HSPA4: variants seen among roughly 807,000 people sequenced by gnomAD.
HSPA4 encodes the protein heat shock protein family A (Hsp70) member 4.
In HSPA4, 25 loss-of-function variants were observed where a neutral mutation model predicts 106.2. The ratio of observed to expected loss-of-function variants is 0.24; its 90% CI spans 0.17 to 0.33. The LOEUF (loss-of-function observed/expected upper bound fraction) is 0.33. Among genes scored for constraint, HSPA4 ranks in the 10% least tolerant of loss-of-function variants. HSPA4 has a pLI of 1.00. For missense variants in HSPA4, 841 were observed against 996.0 expected (o/e 0.84, Z 2.10); for synonymous variants, 332 against 333.6 (o/e 1.00, Z 0.05).
In HSPA4 at chr5:133,085,111, T is replaced by C. The variant is rs971682918; in HGVS notation, c.909-1671T>C. ...CTGCACCCAACTAGAAGTCACCCTT[T>C]TAACGTGTATAATTCAGCGATTTAA... On this transcript the variant is annotated intron_variant, in intron 7 of 18. Transcript: ENST00000304858. 4.6e-5 allele frequency among the ~76,000 whole-genome samples: 7 copies of C among 152,168 alleles called. No individual in the cohort carries two copies. In the South Asian group the frequency reaches 1.0e-3, roughly 22 times the overall value.
At chr5:133,068,449 A>G (rs1027123364) in intron 3 of HSPA4, among the ~76,000 whole-genome samples, 2 of 151,892 alleles carry the variant, frequency 1.3e-5, no homozygotes, top group Admixed American at 6.6e-5. Flanking sequence ...TGGGGGCGTG[A>G]TTGGCTTTCC....
At chr5:133,102,571 A>C (rs1166562151) in intron 17 of HSPA4, among the ~76,000 whole-genome samples, 2 of 152,208 alleles carry the variant, frequency 1.3e-5, no homozygotes, top group Non-Finnish European at 2.9e-5. Context: ...TTCCTTAAGC[A>C]ACATTCAGGG....
At chr5:133,078,240 G>A (rs1365457383) in intron 7 of HSPA4, among the ~76,000 whole-genome samples, 4 of 152,080 alleles carry the variant, frequency 2.6e-5, no homozygotes, top group Non-Finnish European at 5.9e-5. Context: ...GCTGAGGCAG[G>A]GGAATGGTGT....
At chr5:133,092,909 C>CAGGA (rs1471721491) in intron 13 of HSPA4, 120 bp downstream of exon 13, 2 of 606,956 alleles carry the variant, frequency 3.3e-6, no homozygotes, top group African/African-American at 3.9e-5. Context: ...CATCCTCCAC[C>CAGGA]TCCTGGGTTC....
At chr5:133,081,028 T>C (rs1765508200) in intron 7 of HSPA4, among the ~76,000 whole-genome samples, 1 of 152,160 alleles carries the variant, frequency 6.6e-6, no homozygotes, top group African/African-American at 2.4e-5. Flanking sequence ...TACCAATATG[T>C]TTTCTGTCTC....
Position 133,089,411 on chromosome 5 carries a change from A to G in HSPA4, c.1245-151A>G, listed in dbSNP as rs1765617139. On this transcript the variant is annotated intron_variant, in intron 10 of 18. Coordinates refer to ENST00000304858, the MANE Select transcript of HSPA4 (RefSeq NM_002154.4). ...TTCCTTTTTTACTGACTTTATATAT[A>G]AAGATTCTTGGGAACTCTTATAATC... The G allele has an allele frequency of 2.0e-5, 14 of 706,680 alleles. No individual in the cohort carries two copies. In the East Asian group the frequency reaches 3.6e-4, roughly 18 times the overall value. The allele number at this position is 706,680 out of a possible 1,614,324, so 43.8% of individuals were successfully genotyped here.
intron 1 of HSPA4, among the ~76,000 whole-genome samples, chr5:133,061,504 T>C (rs1765242399): frequency 6.6e-6 from 1 of 152,216 alleles, no homozygotes; most frequent in Non-Finnish European, 1.5e-5. Flanking sequence ...TTACGGCTTA[T>C]AAAACATTGT....
At chr5:133,061,115 GTTTTC>G (rs1449983291) in intron 1 of HSPA4, among the ~76,000 whole-genome samples, 130 of 148,608 alleles carry the variant, frequency 8.7e-4, no homozygotes, top group African/African-American at 3.1e-3. Flanking sequence ...GCATACATGT[GTTTTC>G]TTTTCTTTTT....
At position 133,101,847 on chromosome 5, in the gene HSPA4, A is replaced by G. The variant is rs769059705; in HGVS notation, c.2126A>G (p.Tyr709Cys). The G allele has an allele frequency of 6.3e-7, 1 of 1,593,158 alleles. No individual in the cohort carries two copies. The highest frequency in any genetic ancestry group is 1.7e-5 in the Admixed American group (1 of 58,324). ...FEELGKQIQQ[Y>C]MKIISSFKNK... ...GAACTAGGGAAACAGATCCAACAGTATATGAAAATAATCAGCTCTTTCAAA... is the reference window on the plus strand; with the variant it reads ...GAACTAGGGAAACAGATCCAACAGTGTATGAAAATAATCAGCTCTTTCAAA... The change falls in exon 17 of 19, where the codon TAT becomes TGT. Residue 709 changes from tyrosine (Y) to cysteine (C), a missense_variant. Coordinates refer to ENST00000304858, the MANE Select transcript of HSPA4 (RefSeq NM_002154.4).
chr5:133,103,627 A>T (rs1765817755), intron 17 of HSPA4, among the ~76,000 whole-genome samples: 1 of 152,178 alleles, frequency 6.6e-6, no homozygotes. Context: ...ATCTTGTTGA[A>T]GCCTTTTAAT....
In HSPA4 at chr5:133,106,399, A is replaced by G. The variant is rs1433638798; in HGVS notation, c.*1963A>G. The G allele has an allele frequency of 1.3e-5, 2 of 151,768 alleles. No homozygotes were observed. The highest frequency in any genetic ancestry group is 4.8e-5 in the African/African-American group (2 of 41,288). 9.4% of individuals were successfully genotyped at this position (151,768 alleles called of 1,614,324 possible). On this transcript the variant is annotated 3_prime_UTR_variant, in exon 19 of 19. Coordinates refer to ENST00000304858, the MANE Select transcript of HSPA4 (RefSeq NM_002154.4). ...ACACTAAGAAAATCATTCAGTAAAC[A>G]TGAGACAAGTTTAGGAAAAACTAAT... is the stretch of plus-strand genomic sequence containing the variant.
At chr5:133,079,135 T>G (rs549346342) in intron 7 of HSPA4, among the ~76,000 whole-genome samples, 2 of 152,232 alleles carry the variant, frequency 1.3e-5, no homozygotes, top group Non-Finnish European at 2.9e-5. Context: ...ACTTAAAAAC[T>G]TGAGGTGAAA....
At chr5:133,060,816 C>CTTT (rs34721359) in intron 1 of HSPA4, among the ~76,000 whole-genome samples, 1,118 of 95,030 alleles carry the variant, frequency 0.012, 42 homozygotes, top group Middle Eastern at 0.028. Flanking sequence ...TGAAACAGGA[C>CTTT]TTTTTTTTTT....
At chr5:133,077,012 T>C in intron 7 of HSPA4, 114 bp downstream of exon 7, 1 of 1,042,568 alleles carries the variant, frequency 9.6e-7, no homozygotes. Flanking sequence ...TAATTTTGGT[T>C]CTATTTTAAA....
rs543071177 is a variant in HSPA4 at position 133,095,587 on chromosome 5, A to T, written c.1651-511A>T. On this transcript the variant is annotated intron_variant, in intron 13 of 18. Transcript: ENST00000304858. Reference sequence around the variant, plus strand: ...GAAATCAAATTACCAATATGTTACTACTGATCCATAGATATTTCATACCCT... The same window carrying T: ...GAAATCAAATTACCAATATGTTACTTCTGATCCATAGATATTTCATACCCT... Among the ~76,000 whole-genome samples, 26 of 152,342 alleles carry T rather than the reference A, an allele frequency of 1.7e-4. 1 individual carries two copies. In the South Asian group the frequency reaches 5.2e-3, roughly 30 times the overall value.
chr5:133,089,439 G>A, intron 10 of HSPA4, 123 bp from the exon 11 acceptor site: 1 of 869,922 alleles, frequency 1.1e-6, no homozygotes, highest in East Asian at 2.5e-5. Flanking sequence ...TTATAATCTG[G>A]AAATAATACC....
chr5:133,072,392 GT>G (rs748459297), intron 4 of HSPA4, among the ~76,000 whole-genome samples: 4,203 of 75,680 alleles, frequency 0.056, 82 homozygotes, highest in East Asian at 0.22. Context: ...GTCCAGGGTT[GT>G]TTTTTTTTTT....
intron 16 of HSPA4, among the ~76,000 whole-genome samples, chr5:133,101,118 A>G (rs1050807359): frequency 1.3e-5 from 2 of 152,202 alleles, no homozygotes; most frequent in African/African-American, 4.8e-5. Flanking sequence ...GCACATCTTA[A>G]TATCACTGTT....
intron 14 of HSPA4, among the ~76,000 whole-genome samples, chr5:133,096,493 A>G (rs776453193): frequency 6.6e-6 from 1 of 152,168 alleles, no homozygotes; most frequent in Non-Finnish European, 1.5e-5. Flanking sequence ...TTTGACATAT[A>G]ATGTCTTTGG....
Sources: allele counts gnomAD v4.1 joint callset (sites outside exome capture counted in the v4.1 genomes callset), GRCh38; gene constraint gnomAD v4.1.1; transcripts MANE v1.5; gene names NCBI Gene and HGNC (gene_info 2026-07-23, HGNC 2026-07-21).